Variants in EMID1 observed in about 807,000 individuals in gnomAD.
EMID1 encodes the protein EMI domain-containing protein 1.
A neutral mutation model predicts 60.6 loss-of-function variants in EMID1; 40 were observed. That is an observed-to-expected ratio of 0.66 (90% CI 0.51 to 0.86). The LOEUF is 0.86. Ranked by LOEUF, EMID1 falls within the 40% of genes least tolerant of loss-of-function variation. The probability of loss-of-function intolerance (pLI) is 0.00; values close to 1 mark genes in which losing one functional copy is unlikely to be tolerated. For missense variants in EMID1, 585 were observed against 597.1 expected (o/e 0.98, Z 0.21); for synonymous variants, 242 against 231.0 (o/e 1.05, Z -0.43).
At chr22:29,254,489 A>T in intron 14 of EMID1, 1 of 571,782 alleles carries the variant, frequency 1.7e-6, no homozygotes, top group Non-Finnish European at 3.1e-6. Flanking sequence ...GGTGCCCTAG[A>T]AACCCGGGCC....
At chr22:29,251,972 C>A (rs1311422150) in intron 13 of EMID1, among the ~76,000 whole-genome samples, 1 of 152,210 alleles carries the variant, frequency 6.6e-6, no homozygotes, top group East Asian at 1.9e-4. Flanking sequence ...CGTGCCCACT[C>A]TAATTTTTAA....
chr22:29,246,143 G>A (rs1431650877), intron 13 of EMID1, among the ~76,000 whole-genome samples: 2 of 152,216 alleles, frequency 1.3e-5, no homozygotes, highest in East Asian at 1.9e-4. Flanking sequence ...AGGCAGAGGC[G>A]AGGGTACAAC....
intron 12 of EMID1, among the ~76,000 whole-genome samples, chr22:29,236,889 CG>C (rs1008142930): frequency 6.6e-6 from 1 of 150,638 alleles, no homozygotes; most frequent in Admixed American, 6.6e-5. Flanking sequence ...CTCCGCCTCC[CG>C]GGATCAAGCA....
chr22:29,220,532 T>G (rs949530423), intron 3 of EMID1, among the ~76,000 whole-genome samples: 2 of 151,874 alleles, frequency 1.3e-5, no homozygotes, highest in Non-Finnish European at 2.9e-5. Flanking sequence ...TGCCTCCCTA[T>G]GGCCTGTGGT....
intron 8 of EMID1, chr22:29,232,794 C>T (rs756105272): frequency 6.0e-5 from 12 of 199,600 alleles, no homozygotes; most frequent in Non-Finnish European, 1.0e-4. Context: ...GCCACAGGCC[C>T]GGCCCCTCCT....
chr22:29,230,764 C>A (rs780012737), intron 5 of EMID1, among the ~76,000 whole-genome samples: 15 of 152,166 alleles, frequency 9.9e-5, no homozygotes, highest in African/African-American at 1.7e-4. Flanking sequence ...CCAGCCTGGG[C>A]AACATAGCGA....
At chr22:29,222,862 C>A (rs575846030) in intron 3 of EMID1, among the ~76,000 whole-genome samples, 2 of 152,044 alleles carry the variant, frequency 1.3e-5, no homozygotes, top group Non-Finnish European at 2.9e-5. Context: ...GAGGCCAAGG[C>A]GGGTGGATCA....
intron 3 of EMID1, among the ~76,000 whole-genome samples, chr22:29,221,086 TGTGTGTG>T (rs2040276534): frequency 3.6e-5 from 3 of 82,602 alleles, no homozygotes; most frequent in South Asian, 1.1e-3. Context: ...TGTGTGTGTG[TGTGTGTG>T]TGTGTGTGTG....
At chr22:29,216,597 T>C in intron 3 of EMID1, 1 of 985,440 alleles carries the variant, frequency 1.0e-6, no homozygotes, top group East Asian at 1.1e-4. Context: ...AGCCTCTGAC[T>C]CAAAGGAACA....
At chr22:29,243,533 C>T (rs5752886) in intron 13 of EMID1, 44 bp downstream of exon 13, 1 of 1,611,760 alleles carries the variant, frequency 6.2e-7, no homozygotes, top group Admixed American at 1.7e-5. Context: ...CTTCTCAGCC[C>T]TACATGCTCA....
In EMID1 at chr22:29,222,694, G is replaced by A. The variant is rs1035426284; in HGVS notation, c.320-2439G>A. 6.0e-4 allele frequency among the ~76,000 whole-genome samples: 92 copies of A among 152,258 alleles called. 1 individual carries two copies. The highest frequency in any genetic ancestry group is 2.1e-3 in the African/African-American group (88 of 41,566). On this transcript the variant is annotated intron_variant, in intron 3 of 14. Coordinates refer to ENST00000334018, the MANE Select transcript of EMID1 (RefSeq NM_133455.4). Reference sequence around the variant, plus strand: ...GCTGGGATTACAGGCGTGAGCCACTGTGCCTGGCCTATGTTGACTTTCAAG... The same window carrying A: ...GCTGGGATTACAGGCGTGAGCCACTATGCCTGGCCTATGTTGACTTTCAAG...
chr22:29,211,727 A>G (rs558102703), intron 1 of EMID1, among the ~76,000 whole-genome samples: 1 of 152,334 alleles, frequency 6.6e-6, no homozygotes, highest in African/African-American at 2.4e-5. Flanking sequence ...TTCTGTGTCC[A>G]GGGCCCCTTT....
chr22:29,226,306 C>G (rs1000599993), intron 4 of EMID1, 184 bp from the exon 5 acceptor site: 6 of 546,010 alleles, frequency 1.1e-5, no homozygotes, highest in Non-Finnish European at 1.8e-5. Context: ...CAAAAGGAAC[C>G]CATAGGGTGA....
chr22:29,212,722 C>T (rs982940414), intron 1 of EMID1, among the ~76,000 whole-genome samples: 1 of 151,844 alleles, frequency 6.6e-6, no homozygotes, highest in Non-Finnish European at 1.5e-5. Flanking sequence ...CACCATCACA[C>T]CCGGCTAATT....
chr22:29,215,309 G>A (rs2040044008), intron 2 of EMID1: 1 of 978,154 alleles, frequency 1.0e-6, no homozygotes, highest in South Asian at 4.7e-5. Flanking sequence ...CAGCCTGCAG[G>A]GTCTTCTTGT....
chr22:29,238,999 A>T (rs879016907), intron 12 of EMID1, among the ~76,000 whole-genome samples: 6 of 144,124 alleles, frequency 4.2e-5, no homozygotes, highest in Admixed American at 4.1e-4. Context: ...TACTTCAAAT[A>T]TTGCTTGTGT....
intron 12 of EMID1, among the ~76,000 whole-genome samples, chr22:29,237,633 C>T (rs2041001909): frequency 7.0e-6 from 1 of 143,118 alleles, no homozygotes; most frequent in South Asian, 2.3e-4. Context: ...CCCGTCTCTA[C>T]TAAAAATACA....
intron 3 of EMID1, among the ~76,000 whole-genome samples, chr22:29,223,005 C>T (rs1013168422): frequency 6.6e-6 from 1 of 152,098 alleles, no homozygotes; most frequent in Non-Finnish European, 1.5e-5. Context: ...GAAGGAGAAT[C>T]GCTTGAACCC....
chr22:29,230,660 T>C (rs1434751714), intron 5 of EMID1, among the ~76,000 whole-genome samples: 3 of 152,174 alleles, frequency 2.0e-5, no homozygotes, highest in Non-Finnish European at 2.9e-5. Flanking sequence ...GCCCCTTGGC[T>C]GGCCTGTCCG....
Sources: allele counts gnomAD v4.1 joint callset (sites outside exome capture counted in the v4.1 genomes callset), GRCh38; gene constraint gnomAD v4.1.1; transcripts MANE v1.5; gene names NCBI Gene and HGNC (gene_info 2026-07-23, HGNC 2026-07-21).